RBFOX1: variants seen among roughly 807,000 people sequenced by gnomAD.
RBFOX1 encodes the protein RNA binding protein fox-1 homolog 1.
Under a neutral mutation model 57.7 loss-of-function variants are expected in RBFOX1, and 8 were observed. The ratio of observed to expected loss-of-function variants is 0.14; its 90% CI spans 0.08 to 0.25. The LOEUF (loss-of-function observed/expected upper bound fraction) is 0.25, where lower values mean the gene tolerates loss of function less well. Ranked by LOEUF, RBFOX1 falls within the 10% of genes least tolerant of loss-of-function variation. RBFOX1 has a pLI of 1.00. For missense variants in RBFOX1, 611 were observed against 548.5 expected (o/e 1.11, Z -1.14); for synonymous variants, 326 against 222.4 (o/e 1.47, Z -4.15).
chr16:7,642,747 TAAACTAATAGATGA>T (rs1391411199), intron 11 of RBFOX1, among the ~76,000 whole-genome samples: 1 of 152,194 alleles, frequency 6.6e-6, no homozygotes, highest in Non-Finnish European at 1.5e-5. Flanking sequence ...CAGATTTTGT[TAAACTAATAGATGA>T]TGACGAACTG....
intron 1 of RBFOX1, among the ~76,000 whole-genome samples, chr16:6,259,073 T>G (rs2097686290): frequency 6.6e-6 from 1 of 152,198 alleles, no homozygotes; most frequent in African/African-American, 2.4e-5. Flanking sequence ...TATTCGGTAT[T>G]TAATTTTACT....
chr16:6,806,562 G>C (rs1409808687), intron 3 of RBFOX1, among the ~76,000 whole-genome samples: 1 of 151,830 alleles, frequency 6.6e-6, no homozygotes, highest in Non-Finnish European at 1.5e-5. Flanking sequence ...AGAAGAAATG[G>C]ATTTTAAAGA....
intron 3 of RBFOX1, among the ~76,000 whole-genome samples, chr16:7,001,441 T>TGTATATGTATAC (rs2092794532): frequency 7.0e-6 from 1 of 143,434 alleles, no homozygotes; most frequent in Non-Finnish European, 1.5e-5. Flanking sequence ...TATATGTATA[T>TGTATATGTATAC]GTATATGTAT....
At chr16:6,248,544 A>G (rs2097582933) in intron 1 of RBFOX1, among the ~76,000 whole-genome samples, 2 of 152,290 alleles carry the variant, frequency 1.3e-5, no homozygotes, top group Middle Eastern at 3.4e-3. Flanking sequence ...GATGAGGTCA[A>G]GAGAGAAGGG....
chr16:7,213,651 GCT>G (rs1172388855), intron 4 of RBFOX1, among the ~76,000 whole-genome samples: 1 of 152,072 alleles, frequency 6.6e-6, no homozygotes, highest in East Asian at 1.9e-4. Context: ...CTTGAGATGA[GCT>G]ATCTCATTTA....
At chr16:7,608,723 A>G (rs2056840709) in intron 10 of RBFOX1, among the ~76,000 whole-genome samples, 1 of 152,234 alleles carries the variant, frequency 6.6e-6, no homozygotes, top group Non-Finnish European at 1.5e-5. Flanking sequence ...AATGGAGATG[A>G]TAGTAACAAA....
chr16:6,702,235 A>C (rs1209844180), intron 3 of RBFOX1, among the ~76,000 whole-genome samples: 2 of 152,206 alleles, frequency 1.3e-5, no homozygotes, highest in Non-Finnish European at 2.9e-5. Flanking sequence ...ATCACATTTC[A>C]ACATGAGATA....
chr16:5,598,958 C>G, exon 3 of RBFOX1: 3 of 1,531,430 alleles, frequency 2.0e-6, no homozygotes, highest in Non-Finnish European at 2.6e-6. Flanking sequence ...GCCTGCAAGA[C>G]TCCGTAAGTA....
intron 4 of RBFOX1, among the ~76,000 whole-genome samples, chr16:7,339,818 C>T (rs1203145663): frequency 3.3e-5 from 5 of 152,162 alleles, no homozygotes; most frequent in Non-Finnish European, 5.9e-5. Flanking sequence ...GGAAAAAAAG[C>T]ATCTAGCTCC....
chr16:5,682,621 A>T (rs925227612), intron 3 of RBFOX1, among the ~76,000 whole-genome samples: 2 of 152,182 alleles, frequency 1.3e-5, no homozygotes, highest in Admixed American at 1.3e-4. Flanking sequence ...AGATCATGCA[A>T]CTGAGTTTCA....
At chr16:6,310,822 T>C (rs7196427) in intron 1 of RBFOX1, among the ~76,000 whole-genome samples, 151,115 of 151,870 alleles carry the variant, frequency 1, 75,191 homozygotes, top group Middle Eastern at 1. Flanking sequence ...GTGGGGAACA[T>C]GGCATGATTC....
Position 6,910,042 on chromosome 16 carries a change from C to T in RBFOX1, c.-15-142015C>T, listed in dbSNP as rs570261684. ...TACCTCTTGTTCATTACTCTTACCTCTACAGGCTACAAGTCTCCTAGGAAG... is the reference window on the plus strand; with the variant it reads ...TACCTCTTGTTCATTACTCTTACCTTTACAGGCTACAAGTCTCCTAGGAAG... On this transcript the variant is annotated intron_variant, in intron 3 of 15. Transcript: ENST00000550418. Among the ~76,000 whole-genome samples, 19 of 152,188 alleles carry T rather than the reference C, an allele frequency of 1.2e-4. No homozygotes were observed. The South Asian group carries it at 3.7e-3, about 30-fold the overall frequency.
intron 2 of RBFOX1, among the ~76,000 whole-genome samples, chr16:6,639,531 T>A (rs1347130184): frequency 6.6e-6 from 1 of 152,158 alleles, no homozygotes; most frequent in African/African-American, 2.4e-5. Flanking sequence ...GAACAATAAC[T>A]ATGATAAAAT....
At chr16:7,392,843 TGG>T (rs2098060640) in intron 4 of RBFOX1, among the ~76,000 whole-genome samples, 3 of 146,076 alleles carry the variant, frequency 2.1e-5, no homozygotes, top group African/African-American at 5.3e-5. Context: ...TTTGTTGTTT[TGG>T]TTTGGTTTGG....
chr16:6,350,910 C>T (rs184596684), intron 2 of RBFOX1, among the ~76,000 whole-genome samples: 5 of 152,308 alleles, frequency 3.3e-5, no homozygotes, highest in African/African-American at 1.2e-4. Flanking sequence ...CACTCTTCTG[C>T]CTCCCTTAGT....
chr16:5,363,877 A>AG (rs1237408948), intron 1 of RBFOX1, among the ~76,000 whole-genome samples: 1 of 152,138 alleles, frequency 6.6e-6, no homozygotes, highest in South Asian at 2.1e-4. Flanking sequence ...TTTTCTGCCT[A>AG]GGCGTTTGCC....
chr16:7,467,751 C>T (rs1175159860), intron 4 of RBFOX1, among the ~76,000 whole-genome samples: 4 of 152,214 alleles, frequency 2.6e-5, no homozygotes, highest in Non-Finnish European at 1.5e-5. Flanking sequence ...GGTGCACATG[C>T]AACGTCTTCC....
At chr16:6,641,970 A>C (rs1382522778) in intron 2 of RBFOX1, among the ~76,000 whole-genome samples, 1 of 152,108 alleles carries the variant, frequency 6.6e-6, no homozygotes, top group African/African-American at 2.4e-5. Context: ...AATTATTCAC[A>C]GGAACCCGTC....
chr16:6,686,232 G>A (rs1198708467), intron 3 of RBFOX1, among the ~76,000 whole-genome samples: 1 of 152,136 alleles, frequency 6.6e-6, no homozygotes, highest in Non-Finnish European at 1.5e-5. Context: ...TCAGGTAGAG[G>A]TCTCAAATTA....
Sources: allele counts gnomAD v4.1 joint callset (sites outside exome capture counted in the v4.1 genomes callset), GRCh38; gene constraint gnomAD v4.1.1; transcripts MANE v1.5; gene names NCBI Gene and HGNC (gene_info 2026-07-23, HGNC 2026-07-21).